TNRC6B: variants seen among roughly 807,000 people sequenced by gnomAD.
TNRC6B encodes trinucleotide repeat containing adaptor 6B.
Under a neutral mutation model 203.6 loss-of-function variants are expected in TNRC6B, and 52 were observed. That is an observed-to-expected ratio of 0.26 (90% CI 0.20 to 0.32). The LOEUF is 0.32. Ranked by LOEUF, TNRC6B falls within the 10% of genes least tolerant of loss-of-function variation. The probability of loss-of-function intolerance (pLI) is 1.00; values close to 1 mark genes in which losing one functional copy is unlikely to be tolerated. For missense variants in TNRC6B, 1,923 were observed against 2,286.2 expected (o/e 0.84, Z 3.24); for synonymous variants, 838 against 845.7 (o/e 0.99, Z 0.16).
intron 3 of TNRC6B, among the ~76,000 whole-genome samples, chr22:40,141,759 TTTTTTGTTTTTG>T (rs149602065): frequency 7.3e-5 from 11 of 151,128 alleles, no homozygotes; most frequent in East Asian, 2.0e-4. Flanking sequence ...TTTTTTCTTG[TTTTTTGTTTTTG>T]TTTTTGTTTT....
intron 4 of TNRC6B, among the ~76,000 whole-genome samples, chr22:40,162,238 T>C (rs1442342480): frequency 6.6e-6 from 1 of 152,080 alleles, no homozygotes; most frequent in Non-Finnish European, 1.5e-5. Context: ...GGATTATAGG[T>C]ACACGCCACC....
chr22:40,264,801 A>G lies in TNRC6B; in HGVS notation c.571A>G (p.Ile191Val). 6.2e-7 allele frequency: 1 copy of G among 1,614,008 alleles called. No individual in the cohort carries two copies. The highest frequency in any genetic ancestry group is 8.5e-7 in the Non-Finnish European group (1 of 1,179,892). ...CCCAATTCACATCTGGGACAAGGTGATTGTAGACGGGTCTGACATGGAAGA... is the reference window on the plus strand; with the variant it reads ...CCCAATTCACATCTGGGACAAGGTGGTTGTAGACGGGTCTGACATGGAAGA... ...PNPIHIWDKV[I>V]VDGSDMEEWP... The change falls in exon 5 of 23, where the codon ATT becomes GTT. Residue 191 changes from isoleucine to valine, a missense_variant. By Grantham distance (29) the Ile-to-Val change is conservative. This residue lies in a region of TNRC6B where 614 missense variants were observed against 587.7 expected (regional missense o/e 1.04). Transcript: ENST00000454349.
chr22:40,303,104 C>G (rs1386785423), intron 15 of TNRC6B, among the ~76,000 whole-genome samples: 1 of 147,648 alleles, frequency 6.8e-6, no homozygotes, highest in Non-Finnish European at 1.5e-5. Context: ...ACCTCCACCT[C>G]CCACAACCTC....
intron 1 of TNRC6B, among the ~76,000 whole-genome samples, chr22:40,236,279 C>G (rs779679932): frequency 6.6e-6 from 1 of 152,172 alleles, no homozygotes; most frequent in Non-Finnish European, 1.5e-5. Flanking sequence ...TCACCCTACC[C>G]CCCTTTGTAT....
chr22:40,156,177 C>T, exon 4 of TNRC6B: 1 of 1,571,784 alleles, frequency 6.4e-7, no homozygotes, highest in East Asian at 2.3e-5. Context: ...GTGAAGAAAG[C>T]AAACAGTGAG....
At chr22:40,243,655 G>A (rs948183894) in intron 1 of TNRC6B, among the ~76,000 whole-genome samples, 1 of 151,774 alleles carries the variant, frequency 6.6e-6, no homozygotes, top group Non-Finnish European at 1.5e-5. Context: ...TGTGATCTTG[G>A]TTGACTACAA....
At chr22:40,257,562 C>G (rs918460393) in intron 3 of TNRC6B, among the ~76,000 whole-genome samples, 2 of 151,682 alleles carry the variant, frequency 1.3e-5, no homozygotes, top group Non-Finnish European at 2.9e-5. Flanking sequence ...ACTAAAAATA[C>G]AAAATTAGCC....
chr22:40,189,704 C>T (rs2069248098), intron 1 of TNRC6B, among the ~76,000 whole-genome samples: 1 of 152,020 alleles, frequency 6.6e-6, no homozygotes, highest in Admixed American at 6.6e-5. Context: ...TTCAATTATC[C>T]CTTTCTAAAA....
Position 40,323,404 on chromosome 22 carries a change from A to G in TNRC6B, c.*163A>G. 1 of 813,246 alleles carries G rather than the reference A, an allele frequency of 1.2e-6. No homozygotes were observed. The highest frequency in any genetic ancestry group is 1.8e-6 in the Non-Finnish European group (1 of 547,038). 50.4% of individuals were successfully genotyped at this position (813,246 alleles called of 1,614,324 possible). A position where few individuals can be genotyped will look rare whatever the true frequency, so the allele number is the denominator to read the frequency against. ...GGTCATTGACAGACTGTCTGAGCAC[A>G]TAGTTGCCTCCCTTATAACTTCAGT... is the stretch of plus-strand genomic sequence containing the variant. On this transcript the variant is annotated 3_prime_UTR_variant, in exon 23 of 23. Coordinates refer to ENST00000454349, the MANE Select transcript of TNRC6B (RefSeq NM_001162501.2).
Position 40,265,288 on chromosome 22 carries a change from C to A in TNRC6B, c.1058C>A (p.Ala353Glu). 3 of 1,613,948 alleles carry A rather than the reference C, an allele frequency of 1.9e-6. No homozygotes were observed. The highest frequency in any genetic ancestry group is 2.5e-6 in the Non-Finnish European group (3 of 1,179,864). ...GAACAGCAGTCAAAGATGGAAAATG[C>A]GGGTGTTAATTTTGTTGTCTCTGGC... ...SREQQSKMEN[A>E]GVNFVVSGRE... Residue 353 changes from alanine to glutamate, a missense_variant, in exon 5 of 23, where the codon GCG (alanine) becomes GAG (glutamate). By Grantham distance (107) the Ala-to-Glu change is moderately radical. Coordinates refer to ENST00000454349, the MANE Select transcript of TNRC6B (RefSeq NM_001162501.2).
At chr22:40,280,681 C>A (rs1443154064) in intron 10 of TNRC6B, among the ~76,000 whole-genome samples, 13 of 152,164 alleles carry the variant, frequency 8.5e-5, no homozygotes, top group African/African-American at 3.1e-4. Flanking sequence ...TCCAGAATAC[C>A]AATTTGCTGT....
intron 1 of TNRC6B, among the ~76,000 whole-genome samples, chr22:40,086,789 A>G (rs1232283624): frequency 6.6e-6 from 1 of 152,226 alleles, no homozygotes; most frequent in Non-Finnish European, 1.5e-5. Context: ...TAGAAATAAA[A>G]TGAAGCCTTA....
At chr22:40,100,525 C>T (rs1452434775) in intron 1 of TNRC6B, among the ~76,000 whole-genome samples, 1 of 152,056 alleles carries the variant, frequency 6.6e-6, no homozygotes, top group African/African-American at 2.4e-5. Flanking sequence ...ACTACAGGTG[C>T]ACACCACCAT....
chr22:40,158,441 A>T (rs4402860), intron 4 of TNRC6B, among the ~76,000 whole-genome samples: 27,168 of 152,152 alleles, frequency 0.18, 3,245 homozygotes, highest in Admixed American at 0.32. Context: ...TTTTAAAAAA[A>T]CAGGTGGAAG....
At chr22:40,178,886 G>A (rs2069099215) in intron 1 of TNRC6B, among the ~76,000 whole-genome samples, 2 of 152,154 alleles carry the variant, frequency 1.3e-5, no homozygotes, top group East Asian at 3.8e-4. Context: ...TAAACATGGT[G>A]TTTTAAAGAT....
chr22:40,172,711 AT>A, intron 4 of TNRC6B, among the ~76,000 whole-genome samples: 1 of 152,352 alleles, frequency 6.6e-6, no homozygotes, highest in Admixed American at 6.5e-5. Context: ...TTTTCCTTTT[AT>A]CCTTACACCT....
chr22:40,244,766 G>T (rs1489038255), intron 1 of TNRC6B, among the ~76,000 whole-genome samples: 1 of 152,148 alleles, frequency 6.6e-6, no homozygotes, highest in Non-Finnish European at 1.5e-5. Flanking sequence ...TCCTTCCAGC[G>T]ATGAAATTCC....
rs2043995916 is a variant in TNRC6B, at chr22:40,332,682, AAAAT to A, written c.*9445_*9448del. 1 of 152,562 alleles carries A rather than the reference AAAAT, an allele frequency of 6.6e-6. No individual in the cohort carries two copies. Among genetic ancestry groups the A allele is most frequent in the Non-Finnish European group, 1.5e-5 (1 of 68,020 alleles). 9.5% of individuals were successfully genotyped at this position (152,562 alleles called of 1,614,324 possible). On this transcript the variant is annotated 3_prime_UTR_variant, in exon 23 of 23. Transcript: ENST00000454349. ...GCCTTTAAACAAAAAAAACAACAAAAAAATAAAATCCTGACGTTTCAACTGTCTC... is the reference window on the plus strand; with the variant it reads ...GCCTTTAAACAAAAAAAACAACAAAAAAAATCCTGACGTTTCAACTGTCTC...
At chr22:40,316,788 C>T (rs1407955786) in intron 21 of TNRC6B, among the ~76,000 whole-genome samples, 1 of 152,170 alleles carries the variant, frequency 6.6e-6, no homozygotes, top group African/African-American at 2.4e-5. Context: ...CACTAGGCTT[C>T]ATGCCTGCCT....
Sources: allele counts gnomAD v4.1 joint callset (sites outside exome capture counted in the v4.1 genomes callset), GRCh38; gene constraint gnomAD v4.1.1; regional missense constraint gnomAD v4.1.1; transcripts MANE v1.5; gene names NCBI Gene and HGNC (gene_info 2026-07-23, HGNC 2026-07-21).